NEBL: variants seen among roughly 807,000 people sequenced by gnomAD.
NEBL encodes the protein LIM and SH3 protein 2.
NEBL carries 122 observed loss-of-function variants against 140.2 expected under a neutral mutation model. The ratio of observed to expected loss-of-function variants is 0.87; its 90% confidence interval spans 0.75 to 1.01. NEBL has a LOEUF of 1.01. NEBL is among the 50% of genes least tolerant of loss of function. The probability of loss-of-function intolerance (pLI) is 0.00; values close to 1 mark genes in which losing one functional copy is unlikely to be tolerated. For missense variants in NEBL, 1,365 were observed against 1,231.3 expected (o/e 1.11, Z -1.62); for synonymous variants, 436 against 398.9 (o/e 1.09, Z -1.11).
At chr10:21,202,427 A>G (rs1358492273) in intron 3 of NEBL, among the ~76,000 whole-genome samples, 3 of 149,642 alleles carry the variant, frequency 2.0e-5, no homozygotes, top group African/African-American at 7.4e-5. Flanking sequence ...GACAGAATAG[A>G]GTTGATTCAC....
chr10:20,952,904 C>CAAAAAAA (rs34713711), intron 4 of NEBL, among the ~76,000 whole-genome samples: 64 of 61,102 alleles, frequency 1.0e-3, no homozygotes, highest in Middle Eastern at 0.011. Context: ...GACCCTGTCT[C>CAAAAAAA]AAAAAAAAAA....
chr10:21,045,826 T>C (rs1172819607), intron 2 of NEBL, among the ~76,000 whole-genome samples: 1 of 152,140 alleles, frequency 6.6e-6, no homozygotes, highest in African/African-American at 2.4e-5. Context: ...AAATGTAAAA[T>C]AGAATTACTA....
At chr10:20,970,740 C>T (rs2131637079) in intron 3 of NEBL, among the ~76,000 whole-genome samples, 1 of 152,164 alleles carries the variant, frequency 6.6e-6, no homozygotes, top group South Asian at 2.1e-4. Flanking sequence ...AGCAGGTATG[C>T]ACGTTAAGGT....
chr10:21,160,483 T>C (rs1840514041), intron 2 of NEBL, among the ~76,000 whole-genome samples: 2 of 152,232 alleles, frequency 1.3e-5, no homozygotes, highest in African/African-American at 4.8e-5. Flanking sequence ...TAATATGGTG[T>C]TTCTATTCCT....
At chr10:20,848,144 G>T (rs1354975811) in intron 11 of NEBL, among the ~76,000 whole-genome samples, 1 of 152,142 alleles carries the variant, frequency 6.6e-6, no homozygotes, top group Non-Finnish European at 1.5e-5. Context: ...CATTCATTGG[G>T]TGGCTCTACT....
chr10:20,977,541 C>T (rs549009246), intron 3 of NEBL, among the ~76,000 whole-genome samples: 9 of 152,062 alleles, frequency 5.9e-5, no homozygotes, highest in East Asian at 1.9e-4. Context: ...CACAGATAGG[C>T]GAGCTGGCCT....
intron 2 of NEBL, among the ~76,000 whole-genome samples, chr10:21,052,884 G>A (rs1834838098): frequency 6.6e-6 from 1 of 152,118 alleles, no homozygotes; most frequent in African/African-American, 2.4e-5. Context: ...AAGACCTGGG[G>A]TCCACATAAA....
At chr10:20,928,396 G>C (rs1423318573) in intron 4 of NEBL, among the ~76,000 whole-genome samples, 1 of 152,142 alleles carries the variant, frequency 6.6e-6, no homozygotes, top group Non-Finnish European at 1.5e-5. Context: ...TCTGGGTCAG[G>C]CTATGCCATC....
Position 20,811,356 on chromosome 10 carries a change from T to C in NEBL, c.2518+1413A>G, listed in dbSNP as rs117435074. Among the ~76,000 whole-genome samples the C allele has an allele frequency of 3.5e-3, 536 of 152,294 alleles. 17 individuals carry two copies. The East Asian group carries it at 0.09, about 25-fold the overall frequency. On this transcript the variant is annotated intron_variant, in intron 24 of 27. Transcript: ENST00000377122. ...ATGTGTGCAGGGCCTGGAAGTAAGCTGTACAGACTTTAGCAGTTCCACCCT... is the reference window on the plus strand; with the variant it reads ...ATGTGTGCAGGGCCTGGAAGTAAGCCGTACAGACTTTAGCAGTTCCACCCT...
intron 9 of NEBL, among the ~76,000 whole-genome samples, chr10:20,857,640 TTCA>T (rs1486229267): frequency 2.6e-5 from 4 of 152,116 alleles, no homozygotes; most frequent in African/African-American, 9.7e-5. Flanking sequence ...TGAAACAGCA[TTCA>T]GCGTAGTGAG....
intron 2 of NEBL, among the ~76,000 whole-genome samples, chr10:21,249,090 A>G (rs1184684515): frequency 6.6e-6 from 1 of 152,006 alleles, no homozygotes; most frequent in Non-Finnish European, 1.5e-5. Flanking sequence ...GTGCAGTGGC[A>G]TGATCATAGT....
chr10:20,935,247 G>A (rs565189485), intron 4 of NEBL, among the ~76,000 whole-genome samples: 1 of 152,090 alleles, frequency 6.6e-6, no homozygotes, highest in Admixed American at 6.5e-5. Flanking sequence ...CACAACATGG[G>A]TATCAATAAC....
intron 4 of NEBL, among the ~76,000 whole-genome samples, chr10:20,910,657 C>T (rs1369712349): frequency 1.3e-5 from 2 of 152,106 alleles, no homozygotes; most frequent in African/African-American, 4.8e-5. Flanking sequence ...CTTCAAAATC[C>T]CTACACTGTA....
At chr10:20,978,363 T>C (rs900996828) in intron 3 of NEBL, among the ~76,000 whole-genome samples, 4 of 151,444 alleles carry the variant, frequency 2.6e-5, no homozygotes. Context: ...TCAAGTAATA[T>C]ACAAGGCCAT....
intron 2 of NEBL, among the ~76,000 whole-genome samples, chr10:21,082,534 C>CCAAAAAAAAAAAAAAAAAAAAAAA (rs1360732942): frequency 2.3e-5 from 1 of 43,350 alleles, no homozygotes; most frequent in African/African-American, 1.5e-4. Flanking sequence ...CCCACCACCA[C>CCAAAAAAAAAAAAAAAAAAAAAAA]TAAAAAAAAA....
intron 13 of NEBL, among the ~76,000 whole-genome samples, chr10:20,839,931 T>C (rs1208398445): frequency 6.6e-6 from 1 of 152,074 alleles, no homozygotes; most frequent in Non-Finnish European, 1.5e-5. Flanking sequence ...ATAGTGAAGA[T>C]AACAGAACCA....
intron 4 of NEBL, among the ~76,000 whole-genome samples, chr10:20,922,855 G>C (rs1245092262): frequency 6.6e-6 from 1 of 152,150 alleles, no homozygotes; most frequent in Admixed American, 6.5e-5. Flanking sequence ...AGAAGATTTT[G>C]TGCTAGACAG....
At chr10:20,943,962 C>T (rs1293082110) in intron 4 of NEBL, among the ~76,000 whole-genome samples, 3 of 152,176 alleles carry the variant, frequency 2.0e-5, no homozygotes, top group Middle Eastern at 3.2e-3. Context: ...TCAATGTCTA[C>T]GGTCTAGTCT....
intron 2 of NEBL, among the ~76,000 whole-genome samples, chr10:21,080,860 G>GT (rs1366073527): frequency 1.3e-5 from 2 of 151,898 alleles, no homozygotes; most frequent in South Asian, 2.1e-4. Flanking sequence ...TTGTTTGTTT[G>GT]TTTTTTGTTT....
Sources: allele counts gnomAD v4.1 joint callset (sites outside exome capture counted in the v4.1 genomes callset), GRCh38; gene constraint gnomAD v4.1.1; transcripts MANE v1.5; gene names NCBI Gene and HGNC (gene_info 2026-07-23, HGNC 2026-07-21).